FAM120B: variants seen among roughly 807,000 people sequenced by gnomAD.
The protein encoded by FAM120B is family with sequence similarity 120 member B, also known as constitutive coactivator of peroxisome proliferator-activated receptor gamma.
FAM120B carries 83 observed loss-of-function variants against 96.3 expected under a neutral mutation model. That is an observed-to-expected ratio of 0.86 (90% CI 0.72 to 1.03). The LOEUF is 1.03. Ranked by LOEUF, FAM120B falls within the 50% of genes least tolerant of loss-of-function variation. FAM120B has a pLI of 0.00. For missense variants in FAM120B, 1,027 were observed against 1,121.2 expected (o/e 0.92, Z 1.20); for synonymous variants, 407 against 402.7 (o/e 1.01, Z -0.13).
chr6:170,361,235 T>TATATAA (rs1218513547), intron 6 of FAM120B, among the ~76,000 whole-genome samples: 1 of 90,030 alleles, frequency 1.1e-5, no homozygotes, highest in Non-Finnish European at 2.3e-5. Context: ...TATATATATA[T>TATATAA]ACACGTATAT....
At chr6:170,328,425 T>C (rs1785750290) in intron 3 of FAM120B, among the ~76,000 whole-genome samples, 1 of 152,102 alleles carries the variant, frequency 6.6e-6, no homozygotes, top group African/African-American at 2.4e-5. Context: ...CATCTTTCTT[T>C]GGGGGGGTAT....
chr6:170,377,347 C>T (rs1583291244), intron 6 of FAM120B, among the ~76,000 whole-genome samples: 2 of 137,400 alleles, frequency 1.5e-5, no homozygotes, highest in Non-Finnish European at 3.1e-5. Context: ...GCTGTGCACA[C>T]GCGTCCCTAA....
rs1286095995 is a variant in FAM120B at position 170,388,295 on chromosome 6, C to T, written c.2292C>T (p.Tyr764=). ...TSQLVNLQPD[Y]INPRAVQLGS... is the part of the protein sequence containing the mutation. ...TGTTCTGGTCTCCACAGCCTGATTA[C>T]ATCAACCCCAGAGCCGTGCAGCTGG... The change falls in exon 7 of 11, where the codon TAC becomes TAT. Residue 764 remains tyrosine, a synonymous_variant. Coordinates refer to ENST00000476287, the MANE Select transcript of FAM120B (RefSeq NM_032448.3). 1 of 1,613,568 alleles carries T rather than the reference C, an allele frequency of 6.2e-7. No individual in the cohort carries two copies. Among genetic ancestry groups the T allele is most frequent in the African/African-American group, 1.3e-5 (1 of 74,922 alleles).
chr6:170,348,342 T>G lies in FAM120B; in HGVS notation c.2190+19T>G, dbSNP rs896283487. Reference sequence around the variant, plus strand: ...TGTCCAGGTAATGTCCAGCTGCCCGTTCTAGTCACTGCAGCCTGCGCTTAC... The same window carrying G: ...TGTCCAGGTAATGTCCAGCTGCCCGGTCTAGTCACTGCAGCCTGCGCTTAC... On this transcript the variant is annotated intron_variant, in intron 5 of 10. Coordinates refer to ENST00000476287, the MANE Select transcript of FAM120B (RefSeq NM_032448.3). 1 of 1,610,298 alleles carries G rather than the reference T, an allele frequency of 6.2e-7. No homozygotes were observed. Among genetic ancestry groups the G allele is most frequent in the African/African-American group, 1.3e-5 (1 of 74,936 alleles).
intron 3 of FAM120B, among the ~76,000 whole-genome samples, chr6:170,324,559 T>G (rs1785480037): frequency 6.6e-6 from 1 of 152,244 alleles, no homozygotes; most frequent in Non-Finnish European, 1.5e-5. Flanking sequence ...ATTTTTACAT[T>G]AAATAATAAT....
At chr6:170,355,072 A>G (rs1459625924) in intron 5 of FAM120B, among the ~76,000 whole-genome samples, 1 of 152,130 alleles carries the variant, frequency 6.6e-6, no homozygotes, top group Non-Finnish European at 1.5e-5. Flanking sequence ...AAAGTCAACA[A>G]ATGGTGGCGA....
chr6:170,402,130 G>A (rs1171889094), intron 9 of FAM120B, among the ~76,000 whole-genome samples: 1 of 152,258 alleles, frequency 6.6e-6, no homozygotes, highest in Non-Finnish European at 1.5e-5. Flanking sequence ...GACCTAAGGA[G>A]GCAGGCTCAG....
In FAM120B at chr6:170,405,509, T is replaced by C. The variant is rs1345487270; in HGVS notation, c.*758T>C. ...CACACTATTCACAATGGCGAGCAAG[T>C]TAAAACGGATTTCCCATTTAATTTA... On this transcript the variant is annotated 3_prime_UTR_variant, in exon 11 of 11. Transcript: ENST00000476287. 1.3e-5 allele frequency: 2 copies of C among 152,340 alleles called. No individual in the cohort carries two copies. Among genetic ancestry groups the C allele is most frequent in the South Asian group, 2.1e-4 (1 of 4,822 alleles). The allele number at this position is 152,340 out of a possible 1,614,324, so 9.4% of individuals were successfully genotyped here.
At position 170,404,617 on chromosome 6, in the gene FAM120B, G is replaced by C; in HGVS notation, c.*11+16G>C. The C allele has an allele frequency of 6.3e-7, 1 of 1,589,778 alleles. No individual in the cohort carries two copies. The highest frequency in any genetic ancestry group is 8.6e-7 in the Non-Finnish European group (1 of 1,158,060). ...CAACCTCCAGGTAAGTTCATCACCT[G>C]CATCTCCAGAAGAAATCAGTCACAT... On this transcript the variant is annotated intron_variant, in intron 10 of 10. Coordinates refer to ENST00000476287, the MANE Select transcript of FAM120B (RefSeq NM_032448.3).
chr6:170,352,381 T>G (rs555780666), intron 5 of FAM120B, among the ~76,000 whole-genome samples: 1 of 152,130 alleles, frequency 6.6e-6, no homozygotes, highest in South Asian at 2.1e-4. Context: ...AGACAGAAAA[T>G]TAATAAAGAC....
At chr6:170,362,034 T>C (rs1320625700) in intron 6 of FAM120B, among the ~76,000 whole-genome samples, 1 of 152,192 alleles carries the variant, frequency 6.6e-6, no homozygotes, top group African/African-American at 2.4e-5. Flanking sequence ...CCTCAAGTGA[T>C]CTACTCACCT....
chr6:170,388,328 T>G lies in FAM120B; in HGVS notation c.2325T>G (p.Leu775=). The G allele has an allele frequency of 6.2e-7, 1 of 1,614,034 alleles. No homozygotes were observed. The highest frequency in any genetic ancestry group is 8.5e-7 in the Non-Finnish European group (1 of 1,180,030). ...CCAGAGCCGTGCAGCTGGGCTCCCT[T>G]CTCGTCCGCGGCCTCACCACTCTGG... ...INPRAVQLGS[L]LVRGLTTLVL... is the part of the protein sequence containing the mutation. Residue 775 remains leucine, a synonymous_variant, in exon 7 of 11, where the codon CTT becomes CTG. Transcript: ENST00000476287.
chr6:170,395,038 T>C (rs994025658), intron 8 of FAM120B, among the ~76,000 whole-genome samples: 4 of 152,220 alleles, frequency 2.6e-5, no homozygotes, highest in African/African-American at 4.8e-5. Context: ...TGGGAAGTTA[T>C]GGAAATTTTA....
At chr6:170,387,950 G>T (rs1218206180) in intron 6 of FAM120B, among the ~76,000 whole-genome samples, 1 of 152,172 alleles carries the variant, frequency 6.6e-6, no homozygotes, top group Admixed American at 6.5e-5. Flanking sequence ...TCTGTTCTCG[G>T]CCTAGAGGTT....
At position 170,405,958 on chromosome 6, in the gene FAM120B, C is replaced by G. The variant is rs1778788365; in HGVS notation, c.*1207C>G. On this transcript the variant is annotated 3_prime_UTR_variant, in exon 11 of 11. Coordinates refer to ENST00000476287, the MANE Select transcript of FAM120B (RefSeq NM_032448.3). ...CCATCAGGCCTGGTTTATGATGCCA[C>G]AAGTGAATGGCACGTTTGTTCCTCT... is the stretch of plus-strand genomic sequence containing the variant. 6.6e-6 allele frequency: 1 copy of G among 152,066 alleles called. No homozygotes were observed. The highest frequency in any genetic ancestry group is 1.9e-4 in the East Asian group (1 of 5,184). 9.4% of individuals were successfully genotyped at this position (152,066 alleles called of 1,614,324 possible).
chr6:170,307,063 G>T (rs1366264386), intron 1 of FAM120B, among the ~76,000 whole-genome samples: 1 of 152,190 alleles, frequency 6.6e-6, no homozygotes, highest in Non-Finnish European at 1.5e-5. Flanking sequence ...TCCCTGCGCA[G>T]AACCCTCCTG....
intron 3 of FAM120B, among the ~76,000 whole-genome samples, chr6:170,326,900 G>A (rs941273407): frequency 3.9e-5 from 6 of 152,104 alleles, no homozygotes; most frequent in South Asian, 2.1e-4. Flanking sequence ...CACCACACCC[G>A]GCTAATTTTT....
intron 5 of FAM120B, among the ~76,000 whole-genome samples, chr6:170,350,171 A>C (rs557112386): frequency 6.6e-5 from 10 of 152,324 alleles, no homozygotes; most frequent in African/African-American, 2.4e-4. Flanking sequence ...CTGTCTGTAC[A>C]TATCCCTAGG....
At chr6:170,382,510 A>G (rs1319857833) in intron 6 of FAM120B, among the ~76,000 whole-genome samples, 1 of 152,226 alleles carries the variant, frequency 6.6e-6, no homozygotes, top group Non-Finnish European at 1.5e-5. Context: ...CTATTAATGA[A>G]CATATGGAAA....
Sources: allele counts gnomAD v4.1 joint callset (sites outside exome capture counted in the v4.1 genomes callset), GRCh38; gene constraint gnomAD v4.1.1; transcripts MANE v1.5; gene names NCBI Gene and HGNC (gene_info 2026-07-23, HGNC 2026-07-21).